The following HELLS variants were observed in gnomAD, a reference collection of about 807,000 sequenced individuals.
HELLS encodes the protein helicase, lymphoid specific.
HELLS carries 32 observed loss-of-function variants against 120.0 expected under a neutral mutation model. The ratio of observed to expected loss-of-function variants is 0.27; its 90% CI spans 0.20 to 0.36. HELLS has a LOEUF of 0.36. Among genes scored for constraint, HELLS ranks in the 10% least tolerant of loss-of-function variants. The pLI, the probability that HELLS is intolerant of heterozygous loss-of-function variation, is 1.00. For missense variants in HELLS, 650 were observed against 993.4 expected (o/e 0.65, Z 4.65); for synonymous variants, 341 against 323.4 (o/e 1.05, Z -0.58).
rs1843352564 is a variant in HELLS at position 94,558,085 on chromosome 10, T to C, written c.277-54T>C. On this transcript the variant is annotated intron_variant, in intron 3 of 21. Transcript: ENST00000348459. The stretch of plus-strand genomic sequence containing the variant: ...GTTATTTGAGAATTGATATGCGTTT[T>C]TTTTTTAAATGTTGCACTTTCCACT... 4.5e-6 allele frequency: 7 copies of C among 1,539,142 alleles called. No homozygotes were observed. In the South Asian group the frequency reaches 9.0e-5, roughly 20 times the overall value.
exon 9 of HELLS, chr10:94,608,017 G>T: frequency 3.5e-6 from 1 of 285,912 alleles, no homozygotes; most frequent in Non-Finnish European, 7.2e-6. Context: ...GAGCCACTGC[G>T]TGGCCTGAGG....
In HELLS at chr10:94,576,703, A is replaced by G. The variant is rs759151955; in HGVS notation, c.930A>G (p.Gln310=). The change falls in exon 10 of 22, where the codon CAA becomes CAG. Residue 310 remains glutamine, a synonymous_variant. Coordinates refer to ENST00000348459, the MANE Select transcript of HELLS (RefSeq NM_018063.5). ...ATCATGGAACCCAGGAGGAACGTCA[A>G]AAATTGGTAAGAAATATTTACAAAC... is the stretch of plus-strand genomic sequence containing the variant. ...MLYHGTQEER[Q]KLVRNIYKRK... 1.4e-5 allele frequency: 22 copies of G among 1,610,472 alleles called. No homozygotes were observed. The highest frequency in any genetic ancestry group is 1.8e-5 in the Non-Finnish European group (21 of 1,177,186).
chr10:94,562,595 G>T (rs1843611073), intron 4 of HELLS, 96 bp from the exon 5 acceptor site: 1 of 830,044 alleles, frequency 1.2e-6, no homozygotes. Context: ...CTCAATTGCA[G>T]GAAACATATT....
intron 6 of HELLS, among the ~76,000 whole-genome samples, chr10:94,566,471 GA>G (rs1843803644): frequency 6.6e-6 from 1 of 152,088 alleles, no homozygotes; most frequent in Non-Finnish European, 1.5e-5. Context: ...GTATATAAGT[GA>G]AAAGAGTGAT....
intron 10 of HELLS, among the ~76,000 whole-genome samples, chr10:94,581,043 G>A (rs547960844): frequency 1.3e-5 from 2 of 152,292 alleles, no homozygotes; most frequent in African/African-American, 2.4e-5. Flanking sequence ...CTACAACTGC[G>A]TTGACTAAGG....
At chr10:94,552,903 C>T (rs964779308) in intron 2 of HELLS, among the ~76,000 whole-genome samples, 11 of 152,032 alleles carry the variant, frequency 7.2e-5, no homozygotes, top group South Asian at 2.1e-4. Context: ...GGTTTGAGCC[C>T]GGGATTTGGA....
Position 94,546,432 on chromosome 10 carries a change from C to T in HELLS, c.87C>T (p.Ala29=), listed in dbSNP as rs764009944. Reference sequence around the variant, plus strand: ...TGGACACTGCTGTGATTACCCCGGCCATGCTAGAAGAGGAAGAACAGCTTG... The same window carrying T: ...TGGACACTGCTGTGATTACCCCGGCTATGCTAGAAGAGGAAGAACAGCTTG... ...EQLDTAVITP[A]MLEEEEQLEA... Residue 29 remains alanine (A), a synonymous_variant, in exon 2 of 22, where the codon GCC becomes GCT. Coordinates refer to ENST00000348459, the MANE Select transcript of HELLS (RefSeq NM_018063.5). 6.2e-7 allele frequency: 1 copy of T among 1,614,118 alleles called. No individual in the cohort carries two copies. The highest frequency in any genetic ancestry group is 2.2e-5 in the East Asian group (1 of 44,874).
At chr10:94,603,788 C>G (rs1403107669), downstream of HELLS, among the ~76,000 whole-genome samples, 4 of 152,124 alleles carry the variant, frequency 2.6e-5, no homozygotes, top group Non-Finnish European at 4.4e-5. Context: ...TATTTCATGT[C>G]TGATTCTAAA....
In HELLS at chr10:94,574,116, T is replaced by G. The variant is rs760498787; in HGVS notation, c.634T>G (p.Phe212Val). The change falls in exon 8 of 22, where the codon TTT becomes GTT. Residue 212 changes from phenylalanine to valine, a missense_variant. Transcript: ENST00000348459. ...GAAGTGTAATGGTCAGCCAGTACCT[T>G]TTCAACAACCAAAGCACTTCACTGG... is the stretch of plus-strand genomic sequence containing the variant. Reference protein sequence around the residue: ...VRKCNGQPVPFQQPKHFTGGV... With the variant: ...VRKCNGQPVPVQQPKHFTGGV... 1 of 1,614,142 alleles carries G rather than the reference T, an allele frequency of 6.2e-7. No homozygotes were observed. The highest frequency in any genetic ancestry group is 8.5e-7 in the Non-Finnish European group (1 of 1,180,016).
At chr10:94,554,346 A>G in intron 3 of HELLS, 98 bp downstream of exon 3, 1 of 891,784 alleles carries the variant, frequency 1.1e-6, no homozygotes. Context: ...ACAGATTTTA[A>G]GTGTACGGTT....
chr10:94,576,885 G>A, intron 10 of HELLS, 80 bp downstream of exon 10: 1 of 1,303,346 alleles, frequency 7.7e-7, no homozygotes, highest in South Asian at 1.5e-5. Context: ...CACCATCTGG[G>A]AGCATTTGTC....
chr10:94,604,124 C>CTTTTTTTTT (rs1197097813), downstream of HELLS, among the ~76,000 whole-genome samples: 1 of 130,416 alleles, frequency 7.7e-6, no homozygotes, highest in Non-Finnish European at 1.6e-5. Context: ...CCACATCTGG[C>CTTTTTTTTT]TTTTTTTTTT....
rs1210086850 is a variant in HELLS at position 94,596,899 on chromosome 10, A to T, written c.2288A>T (p.Lys763Met). 1 of 1,517,114 alleles carries T rather than the reference A, an allele frequency of 6.6e-7. No individual in the cohort carries two copies. The highest frequency in any genetic ancestry group is 1.1e-5 in the South Asian group (1 of 88,476). 94.0% of individuals were successfully genotyped at this position (1,517,114 alleles called of 1,614,324 possible). A position where few individuals can be genotyped will look rare whatever the true frequency, so the allele number is the denominator to read the frequency against. ...GGTCAGTCTGGATTAAATCTGTCTA[A>T]GAATTTCTTAGATCCTAAGGAATTA... ...KGGQSGLNLS[K>M]NFLDPKELME... The change falls in exon 20 of 22, where the codon AAG becomes ATG. Residue 763 changes from lysine (K) to methionine (M), a missense_variant. Coordinates refer to ENST00000348459, the MANE Select transcript of HELLS (RefSeq NM_018063.5).
rs1255673185 is a variant in HELLS at position 94,545,868 on chromosome 10, C to T, written c.-54C>T. On this transcript the variant is annotated 5_prime_UTR_variant, in exon 1 of 22. Transcript: ENST00000348459. ...GCAGCGGTTGTGAGGAGTTAGCTCG[C>T]GGCATTGCAGGCTCTGAGAGGAGGG... 1.3e-6 allele frequency: 2 copies of T among 1,542,690 alleles called. No individual in the cohort carries two copies. The highest frequency in any genetic ancestry group is 1.4e-5 in the African/African-American group (1 of 72,850).
intron 13 of HELLS, 118 bp downstream of exon 13, chr10:94,588,508 A>G (rs1217371106): frequency 9.3e-6 from 6 of 647,554 alleles, no homozygotes; most frequent in Non-Finnish European, 1.3e-5. Context: ...CAGTGGCACA[A>G]TCACTGCTCA....
At chr10:94,558,048 T>C (rs1298888498) in intron 3 of HELLS, 91 bp from the exon 4 acceptor site, 1 of 1,454,312 alleles carries the variant, frequency 6.9e-7, no homozygotes, top group Non-Finnish European at 9.2e-7. Context: ...TAGTTTCTCA[T>C]TGTAAACATA....
chr10:94,607,690 A>G (rs901192665), intron 8 of HELLS, among the ~76,000 whole-genome samples: 1 of 151,988 alleles, frequency 6.6e-6, no homozygotes, highest in African/African-American at 2.4e-5. Context: ...ATGGTATATG[A>G]TTTTTTTAGT....
chr10:94,550,513 A>G (rs952926553), intron 2 of HELLS, among the ~76,000 whole-genome samples: 6 of 151,654 alleles, frequency 4.0e-5, no homozygotes, highest in Admixed American at 6.6e-5. Flanking sequence ...AACTCCTGAC[A>G]TCGTGATCTG....
intron 4 of HELLS, among the ~76,000 whole-genome samples, chr10:94,558,892 C>T (rs992889759): frequency 1.6e-4 from 24 of 152,154 alleles, no homozygotes; most frequent in Non-Finnish European, 2.5e-4. Flanking sequence ...TGAGCCACCA[C>T]GCCCAGCCTG....
Sources: allele counts gnomAD v4.1 joint callset (sites outside exome capture counted in the v4.1 genomes callset), GRCh38; gene constraint gnomAD v4.1.1; transcripts MANE v1.5; gene names NCBI Gene and HGNC (gene_info 2026-07-23, HGNC 2026-07-21).